Variants in PDE4C observed in about 807,000 individuals in gnomAD.
PDE4C encodes the protein 3',5'-cyclic-AMP phosphodiesterase 4C.
A neutral mutation model predicts 63.9 loss-of-function variants in PDE4C; 50 were observed. That is an observed-to-expected ratio of 0.78 (90% CI 0.62 to 0.99). PDE4C has a LOEUF of 0.99. Ranked by LOEUF, PDE4C falls within the 50% of genes least tolerant of loss-of-function variation. The probability of loss-of-function intolerance (pLI) is 0.00; values close to 1 mark genes in which losing one functional copy is unlikely to be tolerated. For synonymous variants in PDE4C, 377 were observed against 385.1 expected (o/e 0.98, Z 0.25); for missense variants, 777 against 899.1 (o/e 0.86, Z 1.74).
At chr19:18,240,897 C>A (rs555506573) in intron 1 of PDE4C, among the ~76,000 whole-genome samples, 2 of 152,236 alleles carry the variant, frequency 1.3e-5, no homozygotes, top group South Asian at 4.2e-4. Context: ...GAGTGGAGGG[C>A]CCTCTGACTC....
At chr19:18,212,598 C>G (rs980954563) in intron 13 of PDE4C, among the ~76,000 whole-genome samples, 2 of 151,576 alleles carry the variant, frequency 1.3e-5, no homozygotes, top group African/African-American at 4.9e-5. Context: ...CCTTGGCCTC[C>G]CAAAGTGCTG....
intron 1 of PDE4C, among the ~76,000 whole-genome samples, chr19:18,224,644 C>T (rs745523664): frequency 2.4e-4 from 36 of 152,354 alleles, no homozygotes; most frequent in Admixed American, 1.9e-3. Flanking sequence ...GACGCTCGGG[C>T]CGGGTCGGGC....
upstream of PDE4C, chr19:18,252,595 T>TCC: frequency 2.5e-6 from 1 of 392,712 alleles, no homozygotes; most frequent in Non-Finnish European, 4.4e-6. Context: ...CGAGACCCTC[T>TCC]CTCTCTCTCT....
the PDE4C span, among the ~76,000 whole-genome samples, chr19:18,254,279 A>C: frequency 6.6e-6 from 1 of 152,182 alleles, no homozygotes; most frequent in African/African-American, 2.4e-5. Flanking sequence ...ACCCCAAGCC[A>C]AGTCAGAATT....
At position 18,213,406 on chromosome 19, in the gene PDE4C, C is replaced by T. The variant is rs752486195; in HGVS notation, c.1474G>A (p.Gly492Ser). Residue 492 changes from glycine to serine, a missense_variant, in exon 13 of 15, where the codon GGT becomes AGT. Gly to Ser is a moderately conservative substitution (Grantham distance 56). This residue lies in a region of PDE4C where 500 missense variants were observed against 597.8 expected (regional missense o/e 0.84). Coordinates refer to ENST00000262805, the Ensembl canonical transcript of PDE4C. ...GAATAGTTGTCCAGGAGGAGGACAC[C>T]GAGGCTTGTCACCTTCTTGGTCTCC... The T allele has an allele frequency of 9.3e-6, 15 of 1,613,758 alleles. No individual in the cohort carries two copies. The highest frequency in any genetic ancestry group is 5.0e-5 in the Admixed American group (3 of 59,986).
chr19:18,219,275 G>GT lies in PDE4C; in HGVS notation c.828dup (p.Arg277ThrfsTer7). The GT allele has an allele frequency of 6.2e-7, 1 of 1,614,202 alleles. No homozygotes were observed. The highest frequency in any genetic ancestry group is 8.5e-7 in the Non-Finnish European group (1 of 1,180,040). ...TCCTGGTCAGTCTGGACCCCAAAGCGTGGGACAGTGGCTGAGGAGAGGCTG... is the reference window on the plus strand; with the variant it reads ...TCCTGGTCAGTCTGGACCCCAAAGCGTTGGGACAGTGGCTGAGGAGAGGCTG... On this transcript the variant is annotated frameshift_variant, in exon 8 of 15. Transcript: ENST00000262805. LOFTEE classifies it high-confidence loss of function.
rs1377020173 is a variant in PDE4C at position 18,243,260 on chromosome 19, C to T, written c.-210+4911G>A. On this transcript the variant is annotated intron_variant, in intron 1 of 15. Coordinates refer to the PDE4C transcript ENST00000594617. The stretch of plus-strand genomic sequence containing the variant: ...GAGTAGCTGGGATTACAGGTGCCCA[C>T]CACCATGCCCAATTAATTGTATTTT... Among the ~76,000 whole-genome samples, 3 of 152,170 alleles carry T rather than the reference C, an allele frequency of 2.0e-5. No homozygotes were observed. In the South Asian group the frequency reaches 6.2e-4, roughly 32 times the overall value.
rs1968406992 is a variant in PDE4C, at chr19:18,220,434, C to T, written c.581G>A (p.Arg194Gln). 1.9e-6 allele frequency: 3 copies of T among 1,614,046 alleles called. No homozygotes were observed. The highest frequency in any genetic ancestry group is 1.1e-5 in the South Asian group (1 of 91,086). The change falls in exon 6 of 15, where the codon CGG becomes CAG. Residue 194 changes from arginine (R) to glutamine (Q), a missense_variant. Transcript: ENST00000262805. This position sits in a 1 kb window ranked among gnomAD's most constrained non-coding sequence, Gnocchi z 5.1. The stretch of plus-strand genomic sequence containing the variant: ...GGAGGCCATCTCCCCCACCGAGTGC[C>T]GGGTCTGCAGCGTCTCCAACTGATC...
upstream of PDE4C, among the ~76,000 whole-genome samples, chr19:18,251,808 C>T (rs996228466): frequency 6.6e-6 from 1 of 150,564 alleles, no homozygotes; most frequent in African/African-American, 2.4e-5. Context: ...GGCCCAAATA[C>T]ATAATGTATA....
the PDE4C span, among the ~76,000 whole-genome samples, chr19:18,254,220 C>T: frequency 6.6e-6 from 1 of 152,214 alleles, no homozygotes; most frequent in African/African-American, 2.4e-5. Context: ...CTCAAGGACC[C>T]TTGTCCTCTG....
intron 1 of PDE4C, chr19:18,224,619 C>G (rs1185250170): frequency 1.6e-6 from 1 of 624,468 alleles, no homozygotes; most frequent in Admixed American, 6.3e-5. Context: ...CGGTCTGCTT[C>G]GAACAAGTCC....
intron 1 of PDE4C, among the ~76,000 whole-genome samples, chr19:18,223,664 C>T (rs1968594672): frequency 6.6e-6 from 1 of 152,196 alleles, no homozygotes; most frequent in South Asian, 2.1e-4. Context: ...CTAACATGTG[C>T]GTGATGTAGC....
chr19:18,233,183 G>C, exon 1 of PDE4C: 18 of 1,558,864 alleles, frequency 1.2e-5, no homozygotes, highest in Non-Finnish European at 1.6e-5. Flanking sequence ...CGACCCCCAG[G>C]TTCTCCATGC....
chr19:18,221,461 GC>G (rs1238479564), intron 2 of PDE4C, among the ~76,000 whole-genome samples, 164 bp from the exon 3 acceptor site: 2 of 152,076 alleles, frequency 1.3e-5, no homozygotes, highest in Non-Finnish European at 2.9e-5. Context: ...ACCCAGCACA[GC>G]CCCTCCAACC....
intron 13 of PDE4C, among the ~76,000 whole-genome samples, chr19:18,212,219 T>G (rs939437218): frequency 1.3e-5 from 2 of 151,838 alleles, no homozygotes; most frequent in Non-Finnish European, 2.9e-5. Context: ...GGTCTCACGC[T>G]GTGACCCTGG....
rs1968474493 is a variant in PDE4C at position 18,221,301 on chromosome 19, C to T, written c.339-4G>A. On this transcript the variant is annotated splice_region_variant and splice_polypyrimidine_tract_variant and intron_variant, in intron 2 of 14. Transcript: ENST00000262805. ...CACAATCATGTCCTCTCCATGTCTG[C>T]GAGGAGACGGGCCATCAGGGAGAGC... 2 of 1,541,240 alleles carry T rather than the reference C, an allele frequency of 1.3e-6. No individual in the cohort carries two copies. The highest frequency in any genetic ancestry group is 1.4e-5 in the African/African-American group (1 of 72,640).
rs1969124550 is a variant in PDE4C, at chr19:18,246,067, G to A, written c.-210+2104C>T. Among the ~76,000 whole-genome samples the A allele has an allele frequency of 2.7e-5, 4 of 149,212 alleles. No homozygotes were observed. The South Asian group carries it at 8.5e-4, about 32-fold the overall frequency. On this transcript the variant is annotated intron_variant, in intron 1 of 15. Transcript: ENST00000594617. The stretch of plus-strand genomic sequence containing the variant: ...ACTCTGTCATCCAGGCTGGAGTGCA[G>A]TGCAGTGGTGTGATCTTGGCTCACT...
At chr19:18,244,689 G>A (rs989795339) in intron 1 of PDE4C, among the ~76,000 whole-genome samples, 2 of 151,618 alleles carry the variant, frequency 1.3e-5, no homozygotes, top group Non-Finnish European at 2.9e-5. Flanking sequence ...ATTTTGTATT[G>A]TTAGTAGAGA....
intron 9 of PDE4C, 41 bp downstream of exon 9, chr19:18,218,899 C>G (rs753628010): frequency 7.1e-7 from 1 of 1,407,168 alleles, no homozygotes; most frequent in East Asian, 2.3e-5. Context: ...TGAGGGAAAC[C>G]CCAGGAGTTT....
Sources: allele counts gnomAD v4.1 joint callset (sites outside exome capture counted in the v4.1 genomes callset), GRCh38; gene constraint gnomAD v4.1.1; regional missense constraint gnomAD v4.1.1; non-coding constraint Gnocchi (gnomAD v3.1); transcripts MANE v1.5; gene names NCBI Gene and HGNC (gene_info 2026-07-23, HGNC 2026-07-21).